NGF: variants seen among roughly 807,000 people sequenced by gnomAD.
NGF encodes the protein beta-nerve growth factor.
NGF carries 4 observed loss-of-function variants against 12.8 expected under a neutral mutation model. The ratio of observed to expected loss-of-function variants is 0.31; its 90% CI spans 0.15 to 0.72. The LOEUF (loss-of-function observed/expected upper bound fraction) is 0.72, where lower values mean the gene tolerates loss of function less well. NGF is among the 30% of genes least tolerant of loss of function. NGF has a pLI of 0.69. For missense variants in NGF, 283 were observed against 330.8 expected (o/e 0.86, Z 1.12); for synonymous variants, 140 against 130.0 (o/e 1.08, Z -0.52).
At chr1:115,301,782 AGAGG>A (rs1323150085) in intron 1 of NGF, among the ~76,000 whole-genome samples, 1 of 152,236 alleles carries the variant, frequency 6.6e-6, no homozygotes. Flanking sequence ...TGTCGCAGTC[AGAGG>A]GAGGAAGCTG....
At chr1:115,308,685 GA>G (rs981313042) in intron 1 of NGF, among the ~76,000 whole-genome samples, 22 of 149,214 alleles carry the variant, frequency 1.5e-4, no homozygotes, top group African/African-American at 5.2e-4. Context: ...TATGTAATCA[GA>G]AAAAAATAAA....
intron 1 of NGF, among the ~76,000 whole-genome samples, chr1:115,306,950 T>C (rs1654219129): frequency 6.6e-6 from 1 of 152,216 alleles, no homozygotes; most frequent in African/African-American, 2.4e-5. Context: ...TTGGTACCGA[T>C]GATTGATGGC....
chr1:115,325,044 G>A lies in NGF; in HGVS notation c.-137+13160C>T, dbSNP rs78960149. Among the ~76,000 whole-genome samples the A allele has an allele frequency of 3.7e-4, 57 of 152,302 alleles. No homozygotes were observed. The East Asian group carries it at 0.011, about 29-fold the overall frequency. On this transcript the variant is annotated intron_variant, in intron 1 of 2. Coordinates refer to ENST00000369512, the MANE Select transcript of NGF (RefSeq NM_002506.3). ...AAGTAAGGCAGGATGGGGGAATAGA[G>A]TGGCAGGACTTGGTGGGGGTAGGAT...
rs373398765 is a variant in NGF at position 115,320,022 on chromosome 1, C to T, written c.-137+18182G>A. On this transcript the variant is annotated intron_variant, in intron 1 of 2. Coordinates refer to ENST00000369512, the MANE Select transcript of NGF (RefSeq NM_002506.3). ...GGACGTTCTGGATCCTGGGAGAATC[C>T]AGATGGCCCAGGGTCTGAAATAAAC... Among the ~76,000 whole-genome samples, 749 of 152,282 alleles carry T rather than the reference C, an allele frequency of 4.9e-3. 6 individuals are homozygous for T. Among genetic ancestry groups the T allele is most frequent in the Middle Eastern group, 0.027 (8 of 294 alleles).
intron 1 of NGF, among the ~76,000 whole-genome samples, chr1:115,311,544 G>C (rs572945879): frequency 4.6e-5 from 7 of 152,284 alleles, no homozygotes; most frequent in Admixed American, 1.3e-4. Flanking sequence ...GTGGGTAGAG[G>C]CTAAGGATGA....
intron 1 of NGF, among the ~76,000 whole-genome samples, chr1:115,316,304 C>G (rs1332229313): frequency 6.6e-6 from 1 of 152,160 alleles, no homozygotes; most frequent in Admixed American, 6.5e-5. Flanking sequence ...GGGAAGAGAT[C>G]TAAGAGCCAA....
chr1:115,337,969 A>G (rs1172896749), intron 1 of NGF, among the ~76,000 whole-genome samples: 1 of 152,146 alleles, frequency 6.6e-6, no homozygotes, highest in South Asian at 2.1e-4. Flanking sequence ...TAGGGACTCC[A>G]CGACCAGAAC....
chr1:115,328,841 G>T (rs535600954), intron 1 of NGF, among the ~76,000 whole-genome samples: 3 of 152,186 alleles, frequency 2.0e-5, no homozygotes, highest in African/African-American at 7.2e-5. Context: ...TTATGGTCAT[G>T]CTTGGGGAAG....
At chr1:115,332,742 C>T (rs1654956038) in intron 1 of NGF, among the ~76,000 whole-genome samples, 1 of 152,154 alleles carries the variant, frequency 6.6e-6, no homozygotes, top group African/African-American at 2.4e-5. Context: ...AGAGGCCCTC[C>T]TATGTCTCCA....
intron 1 of NGF, among the ~76,000 whole-genome samples, chr1:115,328,170 G>C (rs1654824901): frequency 6.9e-6 from 1 of 145,682 alleles, no homozygotes; most frequent in African/African-American, 2.7e-5. Context: ...TTACTAGGGA[G>C]AGAGTTGGAA....
At chr1:115,303,390 C>T (rs903062796) in intron 1 of NGF, among the ~76,000 whole-genome samples, 5 of 152,074 alleles carry the variant, frequency 3.3e-5, no homozygotes, top group Non-Finnish European at 5.9e-5. Flanking sequence ...CCACCCCTAC[C>T]GCCACCACTG....
chr1:115,301,787 G>T (rs746686375), intron 1 of NGF, among the ~76,000 whole-genome samples: 6 of 152,242 alleles, frequency 3.9e-5, no homozygotes, highest in Admixed American at 6.5e-5. Flanking sequence ...CAGTCAGAGG[G>T]AGGAAGCTGC....
In NGF at chr1:115,286,581, A is replaced by G; in HGVS notation, c.215T>C (p.Val72Ala). ...CCGCTTTTTAAACAGCCTGGGGTCC[A>G]CAGTAATGTTGCGGGTCTGCCCCGC... ...RVAGQTRNITVDPRLFKKRRL... is the reference protein window; with the variant it reads ...RVAGQTRNITADPRLFKKRRL... Residue 72 changes from valine (V) to alanine (A), a missense_variant, in exon 3 of 3, where the codon GTG (valine) becomes GCG (alanine). Val to Ala is a moderately conservative substitution (Grantham distance 64). Around this residue, in one of 2 missense-constraint regions of NGF, gnomAD observed 151 missense variants for 141.6 expected, o/e 1.07. Coordinates refer to ENST00000369512, the MANE Select transcript of NGF (RefSeq NM_002506.3). 6.2e-7 allele frequency: 1 copy of G among 1,614,200 alleles called. No individual in the cohort carries two copies. Among genetic ancestry groups the G allele is most frequent in the Non-Finnish European group, 8.5e-7 (1 of 1,180,036 alleles).
chr1:115,290,328 C>T (rs1653648856), intron 2 of NGF, among the ~76,000 whole-genome samples: 1 of 148,736 alleles, frequency 6.7e-6, no homozygotes, highest in Admixed American at 6.7e-5. Flanking sequence ...TCAACAACTT[C>T]AATGCTGCTT....
intron 1 of NGF, among the ~76,000 whole-genome samples, chr1:115,298,030 A>G (rs1653922440): frequency 6.6e-6 from 1 of 152,278 alleles, no homozygotes; most frequent in South Asian, 2.1e-4. Context: ...ATAAATTAAT[A>G]CATCTCAGAA....
Position 115,334,906 on chromosome 1 carries a change from C to T in NGF, c.-137+3298G>A, listed in dbSNP as rs77776084. ...GGAAAGTGAGGCCTGAGAAGCTTAG[C>T]GACTTGCTCAAGGTCACAAAGCTAC... On this transcript the variant is annotated intron_variant, in intron 1 of 2. Transcript: ENST00000369512. Among the ~76,000 whole-genome samples, 684 of 152,258 alleles carry T rather than the reference C, an allele frequency of 4.5e-3. 6 individuals carry two copies. The highest frequency in any genetic ancestry group is 0.016 in the African/African-American group (659 of 41,544).
At chr1:115,321,663 G>A (rs1245953913) in intron 1 of NGF, among the ~76,000 whole-genome samples, 4 of 151,160 alleles carry the variant, frequency 2.6e-5, no homozygotes, top group Admixed American at 1.3e-4. Context: ...GCATGCAGGA[G>A]GGGAGAAGAA....
At chr1:115,313,449 T>C (rs1014113111) in intron 1 of NGF, among the ~76,000 whole-genome samples, 7 of 152,244 alleles carry the variant, frequency 4.6e-5, no homozygotes, top group African/African-American at 1.7e-4. Context: ...TATGTAAATC[T>C]GCACTTGCTT....
rs775429651 is a variant in NGF at position 115,286,454 on chromosome 1, G to A, written c.342C>T (p.Asn114=). The change falls in exon 3 of 3, where the codon AAC becomes AAT. Residue 114 remains asparagine (N), a synonymous_variant. Transcript: ENST00000369512. The stretch of plus-strand genomic sequence containing the variant: ...ATGACCGCTTGCTCCTGTGAGTCCT[G>A]TTGAAGGGGGCAGCACCACCGACCT... ...DFEVGGAAPF[N]RTHRSKRSSS... 6 of 1,613,642 alleles carry A rather than the reference G, an allele frequency of 3.7e-6. No homozygotes were observed. In the Admixed American group the frequency reaches 1.0e-4, roughly 27 times the overall value.
Sources: gnomAD v4.1 joint callset for allele counts (sites outside exome capture counted in the v4.1 genomes callset) on GRCh38, gnomAD v4.1.1 for gene constraint, gnomAD v4.1.1 regional missense constraint, MANE v1.5 for transcripts, NCBI Gene and HGNC (gene_info 2026-07-23, HGNC 2026-07-21) for gene names.